Variants in SSBP3 observed in about 807,000 individuals in gnomAD.
SSBP3 encodes the protein single stranded DNA binding protein 3.
In SSBP3, 5 loss-of-function variants were observed where a neutral mutation model predicts 69.6. The ratio of observed to expected loss-of-function variants is 0.07; its 90% CI spans 0.04 to 0.15. The LOEUF (loss-of-function observed/expected upper bound fraction) is 0.15, where lower values mean the gene tolerates loss of function less well. Among genes scored for constraint, SSBP3 ranks in the 10% least tolerant of loss-of-function variants. The probability of loss-of-function intolerance (pLI) is 1.00; values close to 1 mark genes in which losing one functional copy is unlikely to be tolerated. For missense variants in SSBP3, 312 were observed against 534.0 expected (o/e 0.58, Z 4.10); for synonymous variants, 196 against 193.4 (o/e 1.01, Z -0.11).
exon 14 of SSBP3, chr1:54,239,195 T>C (rs1472603226): frequency 6.2e-7 from 1 of 1,612,202 alleles, no homozygotes; most frequent in Non-Finnish European, 8.5e-7. Flanking sequence ...TGGAATTTGT[T>C]GAATCTGTAG....
At chr1:54,273,568 T>C (rs183750773) in intron 5 of SSBP3, among the ~76,000 whole-genome samples, 6 of 152,098 alleles carry the variant, frequency 3.9e-5, no homozygotes, top group East Asian at 1.9e-4. Flanking sequence ...AGGGGAGGTG[T>C]TGGCAAGCAA....
chr1:54,347,636 T>A (rs1646711260), intron 4 of SSBP3, among the ~76,000 whole-genome samples: 1 of 152,196 alleles, frequency 6.6e-6, no homozygotes, highest in East Asian at 1.9e-4. Flanking sequence ...GAGGTGATAT[T>A]GGATTAGGGT....
intron 4 of SSBP3, among the ~76,000 whole-genome samples, chr1:54,396,197 A>AAAAAAAAAAAAAAC: frequency 8.7e-6 from 1 of 115,598 alleles, no homozygotes; most frequent in African/African-American, 3.1e-5. Flanking sequence ...ATCTCAGAAA[A>AAAAAAAAAAAAAAC]AAAAAAAAAA....
intron 5 of SSBP3, among the ~76,000 whole-genome samples, chr1:54,263,325 T>TG (rs935162879): frequency 6.6e-6 from 1 of 152,196 alleles, no homozygotes; most frequent in Admixed American, 6.5e-5. Context: ...GAAGCCGTCC[T>TG]GGAGAGGCGG....
chr1:54,402,208 C>T (rs1461998155), intron 3 of SSBP3, among the ~76,000 whole-genome samples: 2 of 152,208 alleles, frequency 1.3e-5, no homozygotes, highest in African/African-American at 4.8e-5. Flanking sequence ...TTACTTGTGT[C>T]TACCATATAC....
intron 4 of SSBP3, among the ~76,000 whole-genome samples, chr1:54,396,633 G>A (rs1432002785): frequency 6.6e-6 from 1 of 152,076 alleles, no homozygotes; most frequent in Non-Finnish European, 1.5e-5. Flanking sequence ...GGGAGAGCTG[G>A]GTATCTCCCA....
intron 4 of SSBP3, among the ~76,000 whole-genome samples, chr1:54,391,529 G>T (rs1235713512): frequency 6.6e-6 from 1 of 152,192 alleles, no homozygotes; most frequent in African/African-American, 2.4e-5. Flanking sequence ...TGTGGGAGAG[G>T]CCTGCTCCCC....
chr1:54,403,352 C>G (rs114707444), intron 3 of SSBP3, among the ~76,000 whole-genome samples: 2,478 of 152,262 alleles, frequency 0.016, 28 homozygotes, highest in Admixed American at 0.028. Context: ...GTTTCTAACA[C>G]TACAAATTCC....
chr1:54,349,632 G>A (rs2100571019), intron 4 of SSBP3, among the ~76,000 whole-genome samples: 2 of 151,872 alleles, frequency 1.3e-5, no homozygotes, highest in Middle Eastern at 6.8e-3. Flanking sequence ...TAAGGGTTTA[G>A]CCATGCCACC....
In SSBP3 at chr1:54,316,705, T is replaced by TAAAATA. The variant is rs1217975788; in HGVS notation, c.277-35179_277-35178insTATTTT. On this transcript the variant is annotated intron_variant, in intron 4 of 17. Coordinates refer to ENST00000610401, the Ensembl canonical transcript of SSBP3. Reference sequence around the variant, plus strand: ...ATAAATAAATAAATAAATAAATAAATAAATAAAATAAAATAAAATAAAATA... The same window carrying TAAAATA: ...ATAAATAAATAAATAAATAAATAAATAAAATAAAATAAAATAAAATAAAATAAAATA... 1.4e-3 allele frequency among the ~76,000 whole-genome samples: 117 copies of TAAAATA among 80,772 alleles called. 2 individuals carry two copies. Among genetic ancestry groups the TAAAATA allele is most frequent in the African/African-American group, 4.7e-3 (98 of 20,726 alleles). 53.0% of individuals were successfully genotyped at this position (80,772 alleles called of 152,430 possible).
rs375785654 is a variant in SSBP3 at position 54,228,409 on chromosome 1, A to G, written c.1035+40T>C. Reference sequence around the variant, plus strand: ...CCTGTGTCCCCAACAACCTGCCCACACAGATGGGGCGCCGCCAGGGAGACC... The same window carrying G: ...CCTGTGTCCCCAACAACCTGCCCACGCAGATGGGGCGCCGCCAGGGAGACC... On this transcript the variant is annotated intron_variant, in intron 16 of 17. Coordinates refer to ENST00000610401, the Ensembl canonical transcript of SSBP3. 25 of 1,614,192 alleles carry G rather than the reference A, an allele frequency of 1.5e-5. No homozygotes were observed. In the African/African-American group the frequency reaches 3.2e-4, roughly 21 times the overall value.
chr1:54,271,324 T>C (rs185101544), intron 5 of SSBP3, among the ~76,000 whole-genome samples: 3 of 152,316 alleles, frequency 2.0e-5, no homozygotes, highest in Admixed American at 2.0e-4. Flanking sequence ...TTGCCCAGGC[T>C]GGTTTCAAAC....
intron 4 of SSBP3, among the ~76,000 whole-genome samples, chr1:54,380,816 G>C (rs2100721974): frequency 6.6e-6 from 1 of 152,238 alleles, no homozygotes; most frequent in Middle Eastern, 3.4e-3. Context: ...GCACCTGAAA[G>C]CTTCCTTAAA....
intron 4 of SSBP3, among the ~76,000 whole-genome samples, chr1:54,334,210 G>A (rs1344581812): frequency 1.3e-5 from 2 of 152,118 alleles, no homozygotes; most frequent in South Asian, 2.1e-4. Context: ...AAATTAGCTG[G>A]GCGTGGTGGT....
Position 54,269,183 on chromosome 1 carries a change from C to T in SSBP3, c.367-11034G>A, listed in dbSNP as rs973660164. 2.6e-5 allele frequency among the ~76,000 whole-genome samples: 4 copies of T among 152,190 alleles called. No individual in the cohort carries two copies. The East Asian group carries it at 7.7e-4, about 29-fold the overall frequency. ...GGAGCTACCCCTCTTGCCTACAACA[C>T]GTAAGCTGTCCTAATCTGAGCTGCT... On this transcript the variant is annotated intron_variant, in intron 5 of 17. Transcript: ENST00000610401.
chr1:54,266,053 A>G (rs530711902), intron 5 of SSBP3, among the ~76,000 whole-genome samples: 1 of 152,368 alleles, frequency 6.6e-6, no homozygotes, highest in South Asian at 2.1e-4. Flanking sequence ...TGGCAAACGA[A>G]AAGTATAGGC....
intron 4 of SSBP3, among the ~76,000 whole-genome samples, chr1:54,356,252 A>G (rs1390724195): frequency 6.6e-6 from 1 of 152,190 alleles, no homozygotes; most frequent in African/African-American, 2.4e-5. Context: ...TTACAAATTA[A>G]AGCAAGAAAA....
At chr1:54,369,881 T>C (rs1161309432) in intron 4 of SSBP3, among the ~76,000 whole-genome samples, 1 of 152,160 alleles carries the variant, frequency 6.6e-6, no homozygotes, top group Non-Finnish European at 1.5e-5. Flanking sequence ...TCCATTTTTT[T>C]TTACCCTGCT....
chr1:54,397,521 C>A (rs1467796108), intron 4 of SSBP3, among the ~76,000 whole-genome samples: 6 of 152,140 alleles, frequency 3.9e-5, no homozygotes, highest in African/African-American at 1.4e-4. Context: ...GAGGAGTCAG[C>A]AGTCTTGTTG....
Sources: gnomAD v4.1 joint callset for allele counts (sites outside exome capture counted in the v4.1 genomes callset) on GRCh38, gnomAD v4.1.1 for gene constraint, MANE v1.5 for transcripts, NCBI Gene and HGNC (gene_info 2026-07-23, HGNC 2026-07-21) for gene names.